Variants in TRIP11 observed in about 807,000 individuals in gnomAD.
TRIP11 encodes the protein thyroid receptor-interacting protein 11.
A neutral mutation model predicts 223.1 loss-of-function variants in TRIP11; 148 were observed. That is an observed-to-expected ratio of 0.66 (90% CI 0.58 to 0.76). TRIP11 has a LOEUF of 0.76. Ranked by LOEUF, TRIP11 falls within the 30% of genes least tolerant of loss-of-function variation. The pLI is 0.00. For synonymous variants in TRIP11, 762 were observed against 772.6 expected (o/e 0.99, Z 0.23); for missense variants, 2,043 against 2,222.0 (o/e 0.92, Z 1.62).
At chr14:91,995,304 C>T in intron 14 of TRIP11, 48 bp downstream of exon 14, 1 of 1,609,136 alleles carries the variant, frequency 6.2e-7, no homozygotes, top group Non-Finnish European at 8.5e-7. Flanking sequence ...GGCAAAATTA[C>T]CAATAACTAC....
At chr14:92,006,470 T>C (rs746647204) in intron 10 of TRIP11, 22 bp from the exon 11 acceptor site, 1 of 1,610,522 alleles carries the variant, frequency 6.2e-7, no homozygotes, top group Non-Finnish European at 8.5e-7. Flanking sequence ...ATTTGCATGG[T>C]GACTTTACAA....
rs1324520725 is a variant in TRIP11, at chr14:91,978,729, G to A, written c.5261-2540C>T. ...GCCTGGGCTGATCTCAAACTCCTGC[G>A]TTCAAGTAATTCTCCTGCCATAGCC... On this transcript the variant is annotated intron_variant, in intron 16 of 20. Transcript: ENST00000267622. The surrounding 1 kb of genome is among the most constrained non-coding windows in gnomAD (Gnocchi z 4.4). Among the ~76,000 whole-genome samples, 9 of 152,138 alleles carry A rather than the reference G, an allele frequency of 5.9e-5. No individual in the cohort carries two copies. Among genetic ancestry groups the A allele is most frequent in the East Asian group, 1.9e-4 (1 of 5,174 alleles).
intron 7 of TRIP11, 114 bp from the exon 8 acceptor site, chr14:92,011,909 G>A (rs1425953421): frequency 1.2e-5 from 10 of 868,474 alleles, no homozygotes; most frequent in Non-Finnish European, 1.9e-6. Context: ...CCACTGGCAA[G>A]CAGTAACAGT....
intron 5 of TRIP11, among the ~76,000 whole-genome samples, chr14:92,016,168 A>G (rs1457175280): frequency 6.6e-6 from 1 of 152,160 alleles, no homozygotes; most frequent in Non-Finnish European, 1.5e-5. Context: ...TCCTTTTCCT[A>G]ATGACACTTT....
In TRIP11 at chr14:92,023,563, T is replaced by G. The variant is rs567065413; in HGVS notation, c.313-1732A>C. Among the ~76,000 whole-genome samples, 4 of 152,334 alleles carry G rather than the reference T, an allele frequency of 2.6e-5. No individual in the cohort carries two copies. The South Asian group carries it at 8.3e-4, about 32-fold the overall frequency. On this transcript the variant is annotated intron_variant, in intron 3 of 20. Coordinates refer to ENST00000267622, the MANE Select transcript of TRIP11 (RefSeq NM_004239.4). Reference sequence around the variant, plus strand: ...TTTGGATTTTGGAGCATTTCGAATTTTGGTAGGAATGCTCAACCTGCACCA... The same window carrying G: ...TTTGGATTTTGGAGCATTTCGAATTGTGGTAGGAATGCTCAACCTGCACCA...
intron 12 of TRIP11, 71 bp downstream of exon 12, chr14:91,999,897 A>G: frequency 6.3e-7 from 1 of 1,587,260 alleles, no homozygotes; most frequent in Non-Finnish European, 8.6e-7. Flanking sequence ...TTCACTGATC[A>G]CCTTTCCAGT....
chr14:91,992,015 A>G (rs1226834175), intron 15 of TRIP11, among the ~76,000 whole-genome samples: 1 of 138,190 alleles, frequency 7.2e-6, no homozygotes, highest in Non-Finnish European at 1.5e-5. Flanking sequence ...CCCAGGGCAA[A>G]GGTTGTAGTG....
chr14:91,992,908 C>CGAA (rs2056695386), intron 15 of TRIP11, among the ~76,000 whole-genome samples: 1 of 29,234 alleles, frequency 3.4e-5, no homozygotes, highest in Non-Finnish European at 7.3e-5. Flanking sequence ...GACTCCGTCT[C>CGAA]AAAAAAAAAA....
At chr14:91,974,592 T>C in intron 19 of TRIP11, 35 bp downstream of exon 19, 1 of 1,474,532 alleles carries the variant, frequency 6.8e-7, no homozygotes, top group Non-Finnish European at 9.5e-7. Flanking sequence ...GTCATTTTAC[T>C]ATTCACCTTA....
intron 17 of TRIP11, 105 bp from the exon 18 acceptor site, chr14:91,975,391 T>C (rs1010318139): frequency 9.4e-6 from 6 of 635,946 alleles, no homozygotes; most frequent in Non-Finnish European, 1.5e-5. Flanking sequence ...AATATTTACT[T>C]ATAAAAAAGT....
rs996935009 is a variant in TRIP11, at chr14:92,037,386, A to G, written c.139+2161T>C. 4.6e-5 allele frequency among the ~76,000 whole-genome samples: 7 copies of G among 152,344 alleles called. No individual in the cohort carries two copies. Among genetic ancestry groups the G allele is most frequent in the African/African-American group, 1.7e-4 (7 of 41,580 alleles). The stretch of plus-strand genomic sequence containing the variant: ...GTCAGAATGGTTCACCAAGTACTTA[A>G]GTACCTGACATATGAGCAGGGTTGT... On this transcript the variant is annotated intron_variant, in intron 1 of 20. Transcript: ENST00000267622. This position sits in a 1 kb window ranked among gnomAD's most constrained non-coding sequence, Gnocchi z 4.2.
intron 14 of TRIP11, among the ~76,000 whole-genome samples, chr14:91,994,573 C>T (rs1021016556): frequency 6.6e-6 from 1 of 152,162 alleles, no homozygotes; most frequent in Non-Finnish European, 1.5e-5. Context: ...TTTAAGATTT[C>T]AACCCTGAAG....
intron 9 of TRIP11, among the ~76,000 whole-genome samples, chr14:92,008,176 CCCTT>C (rs1183013770): frequency 3.3e-5 from 5 of 152,168 alleles, no homozygotes; most frequent in Non-Finnish European, 7.3e-5. Context: ...ACCGTGGCTA[CCCTT>C]TATCCATCCC....
intron 4 of TRIP11, among the ~76,000 whole-genome samples, chr14:92,019,144 T>TC (rs1184736805): frequency 6.6e-6 from 1 of 152,072 alleles, no homozygotes; most frequent in Non-Finnish European, 1.5e-5. Flanking sequence ...CTCTGAACGG[T>TC]CCCAATTATG....
At position 92,025,311 on chromosome 14, in the gene TRIP11, T is replaced by C. The variant is rs752108992; in HGVS notation, c.311A>G (p.Glu104Gly). The change falls in exon 3 of 21, where the codon GAG becomes GGG. Residue 104 changes from glutamate to glycine, a missense_variant and splice_region_variant. Transcript: ENST00000267622. ...TSYRNQLQQK[E>G]VEISHLKARQ... Reference sequence around the variant, plus strand: ...TGAAGTAACTGTGATAACATTTACCTCTTTTTGTTGAAGTTGATTTCGGTA... The same window carrying C: ...TGAAGTAACTGTGATAACATTTACCCCTTTTTGTTGAAGTTGATTTCGGTA... The C allele has an allele frequency of 6.2e-7, 1 of 1,609,422 alleles. No individual in the cohort carries two copies. Among genetic ancestry groups the C allele is most frequent in the South Asian group, 1.1e-5 (1 of 90,994 alleles).
In TRIP11 at chr14:92,004,647, C is replaced by T; in HGVS notation, c.3329G>A (p.Arg1110Lys). Reference protein sequence around the residue: ...KVFAVLNEKTRENSHLKTEYH... With the variant: ...KVFAVLNEKTKENSHLKTEYH... ...TTCTGTTTTTAGATGGCTATTTTCC[C>T]TAGTCTTCTCATTCAAAACAGCAAA... Residue 1110 changes from arginine (R) to lysine (K), a missense_variant, in exon 11 of 21, where the codon AGG becomes AAG. Arg to Lys is a conservative substitution (Grantham distance 26). Transcript: ENST00000267622. 1.2e-6 allele frequency: 2 copies of T among 1,614,088 alleles called. No homozygotes were observed. Among genetic ancestry groups the T allele is most frequent in the Non-Finnish European group, 1.7e-6 (2 of 1,180,004 alleles).
rs1259201860 is a variant in TRIP11 at position 91,981,025 on chromosome 14, T to A, written c.5261-4836A>T. Among the ~76,000 whole-genome samples, 478 of 131,022 alleles carry A rather than the reference T, an allele frequency of 3.6e-3. 1 individual carries two copies. The highest frequency in any genetic ancestry group is 0.014 in the African/African-American group (441 of 32,484). 86.0% of individuals were successfully genotyped at this position (131,022 alleles called of 152,430 possible). ...ATATATATATATATTTTTTTTTTTT[T>A]TTTTTTTTTTTGAGACAGAGTCTTA... On this transcript the variant is annotated intron_variant, in intron 16 of 20. Coordinates refer to ENST00000267622, the MANE Select transcript of TRIP11 (RefSeq NM_004239.4).
intron 16 of TRIP11, among the ~76,000 whole-genome samples, chr14:91,987,450 C>T (rs1002453287): frequency 4.6e-5 from 7 of 152,120 alleles, no homozygotes; most frequent in Non-Finnish European, 1.5e-5. Flanking sequence ...GTTGACAGCT[C>T]CTCTGCTGTA....
At chr14:91,970,344 T>C (rs903692982) in intron 20 of TRIP11, among the ~76,000 whole-genome samples, 1 of 151,666 alleles carries the variant, frequency 6.6e-6, no homozygotes, top group Non-Finnish European at 1.5e-5. Context: ...ACCTAGGAGG[T>C]GGAGGTTGCA....
Sources: gnomAD v4.1 joint callset for allele counts (sites outside exome capture counted in the v4.1 genomes callset) on GRCh38, gnomAD v4.1.1 for gene constraint, Gnocchi (gnomAD v3.1) non-coding constraint, MANE v1.5 for transcripts, NCBI Gene and HGNC (gene_info 2026-07-23, HGNC 2026-07-21) for gene names.